DCBLD2: variants seen among roughly 807,000 people sequenced by gnomAD.
The protein encoded by DCBLD2 is discoidin, CUB and LCCL domain-containing protein 2.
Under a neutral mutation model 86.8 loss-of-function variants are expected in DCBLD2, and 54 were observed. The observed-to-expected ratio is 0.62, with a 90% CI of 0.50 to 0.78. The LOEUF (loss-of-function observed/expected upper bound fraction) is 0.78. Ranked by LOEUF, DCBLD2 falls within the 30% of genes least tolerant of loss-of-function variation. The pLI is 0.00. For missense variants in DCBLD2, 908 were observed against 954.2 expected (o/e 0.95, Z 0.64); for synonymous variants, 354 against 341.3 (o/e 1.04, Z -0.41).
chr3:98,849,623 A>G, intron 2 of DCBLD2, 25 bp from the exon 3 acceptor site: 1 of 1,599,750 alleles, frequency 6.3e-7, no homozygotes, highest in South Asian at 1.1e-5. Context: ...AAAGCAGATT[A>G]TTTGGGATGA....
At chr3:98,825,505 C>G (rs1200817373) in intron 3 of DCBLD2, 139 bp from the exon 4 acceptor site, 1 of 657,750 alleles carries the variant, frequency 1.5e-6, no homozygotes, top group East Asian at 3.2e-5. Context: ...GTACTAAAAA[C>G]TTTGCCAACT....
At chr3:98,837,789 T>C (rs1942499646) in intron 3 of DCBLD2, among the ~76,000 whole-genome samples, 1 of 114,364 alleles carries the variant, frequency 8.7e-6, no homozygotes, top group Non-Finnish European at 1.8e-5. Flanking sequence ...GCCCCTCACC[T>C]CCCAGACGGG....
chr3:98,839,109 C>CTT (rs1282229885), intron 3 of DCBLD2, among the ~76,000 whole-genome samples: 125 of 109,334 alleles, frequency 1.1e-3, no homozygotes, highest in Admixed American at 5.0e-3. Flanking sequence ...TCCCTTCTTT[C>CTT]TTTCTTTCTT....
intron 15 of DCBLD2, among the ~76,000 whole-genome samples, chr3:98,800,306 T>A (rs961399441): frequency 1.3e-5 from 2 of 152,176 alleles, no homozygotes; most frequent in African/African-American, 4.8e-5. Context: ...CCCGCTCTCC[T>A]CTCAACATCT....
intron 2 of DCBLD2, among the ~76,000 whole-genome samples, chr3:98,875,796 C>T (rs946272660): frequency 6.6e-6 from 1 of 152,064 alleles, no homozygotes; most frequent in Admixed American, 6.6e-5. Flanking sequence ...TTTCAAACCA[C>T]TGGGACAAAG....
At chr3:98,822,470 AC>A in intron 5 of DCBLD2, 109 bp from the exon 6 acceptor site, 2 of 1,393,820 alleles carry the variant, frequency 1.4e-6, no homozygotes, top group Middle Eastern at 1.9e-4. Context: ...TTCTTCATAA[AC>A]TTCATAAACA....
intron 2 of DCBLD2, among the ~76,000 whole-genome samples, chr3:98,881,129 G>A (rs1000229010): frequency 7.3e-5 from 11 of 151,638 alleles, no homozygotes; most frequent in East Asian, 5.8e-4. Context: ...GGTGGCGAGC[G>A]CCTGTAATCA....
chr3:98,881,042 A>G (rs1048009926), intron 2 of DCBLD2, among the ~76,000 whole-genome samples: 2 of 151,982 alleles, frequency 1.3e-5, no homozygotes, highest in African/African-American at 4.8e-5. Flanking sequence ...CTGGAGTTTG[A>G]GACCAGCCTG....
At chr3:98,893,532 G>T (rs750300707) in intron 1 of DCBLD2, among the ~76,000 whole-genome samples, 2 of 151,998 alleles carry the variant, frequency 1.3e-5, no homozygotes, top group African/African-American at 4.8e-5. Flanking sequence ...TATTGCAAGG[G>T]TTAAAAAATA....
chr3:98,842,717 T>C (rs1256570638), intron 3 of DCBLD2, among the ~76,000 whole-genome samples: 1 of 152,238 alleles, frequency 6.6e-6, no homozygotes, highest in African/African-American at 2.4e-5. Context: ...CAATAAACTA[T>C]GTAGTCAAAC....
Position 98,801,743 on chromosome 3 carries a change from C to T in DCBLD2, c.1671-94G>A, listed in dbSNP as rs1559766756. On this transcript the variant is annotated intron_variant, in intron 13 of 15. Transcript: ENST00000326840. ...ATGACAGGCCTTGGTATGTGATATTCCCCTTCCTGTGTCCAAGTGTTCTCA... is the reference window on the plus strand; with the variant it reads ...ATGACAGGCCTTGGTATGTGATATTTCCCTTCCTGTGTCCAAGTGTTCTCA... The T allele has an allele frequency of 7.1e-6, 6 of 849,140 alleles. No homozygotes were observed. The South Asian group carries it at 8.8e-5, about 12-fold the overall frequency. 52.6% of individuals were successfully genotyped at this position (849,140 alleles called of 1,614,324 possible).
chr3:98,818,753 C>T (rs1477445319), intron 8 of DCBLD2, among the ~76,000 whole-genome samples: 1 of 152,204 alleles, frequency 6.6e-6, no homozygotes, highest in Non-Finnish European at 1.5e-5. Context: ...ATGCTGGATG[C>T]TTCCTGCCCT....
At chr3:98,837,038 G>A (rs1451855285) in intron 3 of DCBLD2, among the ~76,000 whole-genome samples, 1 of 48,022 alleles carries the variant, frequency 2.1e-5, no homozygotes, top group African/African-American at 1.1e-4. Flanking sequence ...GCGGCTGGCC[G>A]GGCGGGGGGG....
In DCBLD2 at chr3:98,901,138, G is replaced by A. The variant is rs1268899844; in HGVS notation, c.189C>T (p.Asp63=). The A allele has an allele frequency of 1.3e-6, 2 of 1,539,508 alleles. No homozygotes were observed. The highest frequency in any genetic ancestry group is 2.7e-5 in the African/African-American group (2 of 73,030). Residue 63 remains aspartate (D), a synonymous_variant, in exon 1 of 16, where the codon GAC becomes GAT. Coordinates refer to ENST00000326840, the MANE Select transcript of DCBLD2 (RefSeq NM_080927.4). ...LLLVLLLLLE[D]AGAQQGDGCG... ...ACCACTCACCTTGCTGGGCTCCAGC[G>A]TCCTCGAGCAGCAGGAGCAGGACAA...
At chr3:98,803,807 T>C (rs1192506215) in intron 13 of DCBLD2, among the ~76,000 whole-genome samples, 1 of 152,222 alleles carries the variant, frequency 6.6e-6, no homozygotes, top group South Asian at 2.1e-4. Flanking sequence ...GATAATCATG[T>C]AGTGTTTGTC....
intron 3 of DCBLD2, among the ~76,000 whole-genome samples, chr3:98,847,739 G>A (rs958653920): frequency 6.6e-6 from 1 of 152,038 alleles, no homozygotes; most frequent in African/African-American, 2.4e-5. Flanking sequence ...ACTTTTAAAT[G>A]GTAACTTAAT....
rs150859587 is a variant in DCBLD2 at position 98,817,329 on chromosome 3, T to A, written c.1212+440A>T. 1.2e-4 allele frequency among the ~76,000 whole-genome samples: 18 copies of A among 152,368 alleles called. 1 individual carries two copies. The highest frequency in any genetic ancestry group is 4.3e-4 in the African/African-American group (18 of 41,594). On this transcript the variant is annotated intron_variant, in intron 9 of 15. Coordinates refer to ENST00000326840, the MANE Select transcript of DCBLD2 (RefSeq NM_080927.4). ...GAAAGTTGGTGAGATGATCTTCAGATGAATTTTCATCTCTAATATCCTATA... is the reference window on the plus strand; with the variant it reads ...GAAAGTTGGTGAGATGATCTTCAGAAGAATTTTCATCTCTAATATCCTATA...
intron 2 of DCBLD2, among the ~76,000 whole-genome samples, chr3:98,879,236 A>G (rs1423950974): frequency 6.6e-6 from 1 of 152,040 alleles, no homozygotes; most frequent in East Asian, 1.9e-4. Flanking sequence ...CCTTCTCCCT[A>G]TTTCTGAAAT....
chr3:98,808,869 T>C (rs1367895934), intron 12 of DCBLD2, among the ~76,000 whole-genome samples: 1 of 152,178 alleles, frequency 6.6e-6, no homozygotes, highest in Non-Finnish European at 1.5e-5. Flanking sequence ...AGATGCATCC[T>C]TAAAGATGTT....
Sources: allele counts gnomAD v4.1 joint callset (sites outside exome capture counted in the v4.1 genomes callset), GRCh38; gene constraint gnomAD v4.1.1; transcripts MANE v1.5; gene names NCBI Gene and HGNC (gene_info 2026-07-23, HGNC 2026-07-21).